Variants in HEMK2 observed in about 807,000 individuals in gnomAD.
HEMK2 encodes methyltransferase HEMK2.
At chr21:28,588,699 G>A in the HEMK2 span, among the ~76,000 whole-genome samples, 20 of 152,226 alleles carry the variant, frequency 1.3e-4, no homozygotes, top group South Asian at 8.3e-4. Flanking sequence ...ATCCGGGTGC[G>A]GTGGCTCATG....
At chr21:28,716,134 G>A in the HEMK2 span, among the ~76,000 whole-genome samples, 5 of 151,976 alleles carry the variant, frequency 3.3e-5, no homozygotes, top group African/African-American at 1.2e-4. Flanking sequence ...CTCTTTTTTG[G>A]TTCCATGTGA....
At chr21:28,647,989 A>T in the HEMK2 span, among the ~76,000 whole-genome samples, 1 of 152,246 alleles carries the variant, frequency 6.6e-6, no homozygotes, top group Non-Finnish European at 1.5e-5. Context: ...TATTTACTCT[A>T]CATGAGACTT....
the HEMK2 span, among the ~76,000 whole-genome samples, chr21:28,854,967 T>A: frequency 6.6e-6 from 1 of 152,170 alleles, no homozygotes; most frequent in Admixed American, 6.5e-5. Context: ...CAAGTCTGCG[T>A]AATAACTAGC....
the HEMK2 span, among the ~76,000 whole-genome samples, chr21:28,754,658 A>AT: frequency 9.9e-5 from 15 of 151,758 alleles, no homozygotes; most frequent in South Asian, 1.9e-3. Context: ...TCTCAACAGA[A>AT]TTTTTTTTTG....
chr21:28,714,102 T>C, the HEMK2 span, among the ~76,000 whole-genome samples: 1 of 152,220 alleles, frequency 6.6e-6, no homozygotes, highest in Non-Finnish European at 1.5e-5. Flanking sequence ...TATGGGGCCA[T>C]TTTTCTATTT....
At chr21:28,714,130 T>A in the HEMK2 span, among the ~76,000 whole-genome samples, 2 of 152,228 alleles carry the variant, frequency 1.3e-5, no homozygotes, top group African/African-American at 2.4e-5. Flanking sequence ...TTTTATTGTA[T>A]GTCATTGCCT....
the HEMK2 span, among the ~76,000 whole-genome samples, chr21:28,650,045 T>C: frequency 3.9e-5 from 6 of 152,018 alleles, no homozygotes; most frequent in Admixed American, 6.6e-5. Context: ...AAGAGAAATG[T>C]TGAAATGGAT....
chr21:28,831,462 C>CGAAAGAAAGAGAGAAAGAAAGAAA, the HEMK2 span, among the ~76,000 whole-genome samples: 4 of 23,612 alleles, frequency 1.7e-4, no homozygotes, highest in Admixed American at 5.9e-4. Context: ...AAGAAAAGAA[C>CGAAAGAAAGAGAGAAAGAAAGAAA]GAAAGAAAGA....
chr21:28,797,474 CA>C, the HEMK2 span, among the ~76,000 whole-genome samples: 1 of 88,012 alleles, frequency 1.1e-5, no homozygotes, highest in African/African-American at 5.5e-5. Flanking sequence ...AACAAAAAAA[CA>C]AATTAGCTGT....
chr21:28,841,395 TTA>T, the HEMK2 span, among the ~76,000 whole-genome samples: 26 of 32,444 alleles, frequency 8.0e-4, 1 homozygote, highest in South Asian at 3.1e-3. Flanking sequence ...ATATAAAATA[TTA>T]TATATATAAT....
At chr21:28,827,679 C>T in the HEMK2 span, among the ~76,000 whole-genome samples, 5 of 152,210 alleles carry the variant, frequency 3.3e-5, no homozygotes, top group Admixed American at 6.5e-5. Context: ...AAGATCTTAA[C>T]CACTATGTTG....
the HEMK2 span, among the ~76,000 whole-genome samples, chr21:28,577,757 C>A: frequency 6.6e-6 from 1 of 152,202 alleles, no homozygotes; most frequent in East Asian, 1.9e-4. Context: ...TGTAACTGTA[C>A]ATCATGTAGT....
At chr21:28,585,423 A>C in the HEMK2 span, among the ~76,000 whole-genome samples, 2 of 151,976 alleles carry the variant, frequency 1.3e-5, no homozygotes, top group Non-Finnish European at 2.9e-5. Flanking sequence ...GAAACACCAA[A>C]CCAGACCCAT....
At chr21:28,674,453 A>G in the HEMK2 span, among the ~76,000 whole-genome samples, 1 of 152,170 alleles carries the variant, frequency 6.6e-6, no homozygotes, top group Non-Finnish European at 1.5e-5. Context: ...TTCTGGTAAC[A>G]GCAGCCCCAG....
the HEMK2 span, among the ~76,000 whole-genome samples, chr21:28,855,774 G>A: frequency 6.6e-6 from 1 of 152,128 alleles, no homozygotes; most frequent in Non-Finnish European, 1.5e-5. Context: ...TTTTGGGTAA[G>A]CAATGAAATT....
At chr21:28,640,308 A>C in the HEMK2 span, among the ~76,000 whole-genome samples, 1 of 152,164 alleles carries the variant, frequency 6.6e-6, no homozygotes, top group Non-Finnish European at 1.5e-5. Context: ...GAGAGCCAAG[A>C]TCTTTAGGCT....
At chr21:28,623,858 T>C in the HEMK2 span, among the ~76,000 whole-genome samples, 2 of 152,048 alleles carry the variant, frequency 1.3e-5, no homozygotes, top group African/African-American at 4.8e-5. Flanking sequence ...AGGAGAGGGA[T>C]AGCATTATGA....
At chr21:28,682,361 C>A in the HEMK2 span, among the ~76,000 whole-genome samples, 1 of 151,630 alleles carries the variant, frequency 6.6e-6, no homozygotes, top group Non-Finnish European at 1.5e-5. Flanking sequence ...GATACCATCT[C>A]ACACCAGTTA....
chr21:28,767,818 C>T, the HEMK2 span, among the ~76,000 whole-genome samples: 1 of 151,986 alleles, frequency 6.6e-6, no homozygotes, highest in Non-Finnish European at 1.5e-5. Flanking sequence ...CCTTTACAAT[C>T]GTGGGTTCTT....
Sources: allele counts gnomAD v4.1 joint callset (sites outside exome capture counted in the v4.1 genomes callset), GRCh38; gene constraint gnomAD v4.1.1; transcripts MANE v1.5; gene names NCBI Gene and HGNC (gene_info 2026-07-23, HGNC 2026-07-21).